MAGI3: variants seen among roughly 807,000 people sequenced by gnomAD.
The protein encoded by MAGI3 is membrane associated guanylate kinase, WW and PDZ domain containing 3.
MAGI3 carries 43 observed loss-of-function variants against 121.8 expected under a neutral mutation model. The ratio of observed to expected loss-of-function variants is 0.35; its 90% CI spans 0.28 to 0.46. MAGI3 has a LOEUF of 0.46. MAGI3 is among the 20% of genes least tolerant of loss of function. The probability of loss-of-function intolerance (pLI) is 1.00; values close to 1 mark genes in which losing one functional copy is unlikely to be tolerated. For missense variants in MAGI3, 1,547 were observed against 1,797.3 expected, an observed-to-expected ratio of 0.86 and a Z score of 2.52; for synonymous variants, 553 against 639.3, an observed-to-expected ratio of 0.86 and a Z score of 2.04.
chr1:113,672,572 AT>A, intron 17 of MAGI3, 42 bp from the exon 18 acceptor site: 4 of 1,577,438 alleles, frequency 2.5e-6, no homozygotes, highest in Non-Finnish European at 3.4e-6. Flanking sequence ...ACTGTTTTTC[AT>A]TTTCTCAGTT....
intron 1 of MAGI3, among the ~76,000 whole-genome samples, chr1:113,426,158 A>G (rs1018148880): frequency 1.3e-5 from 2 of 151,982 alleles, no homozygotes; most frequent in African/African-American, 2.4e-5. Flanking sequence ...TGTTTGTCAT[A>G]TGGATTATTT....
At chr1:113,657,225 G>A (rs1330845982) in intron 15 of MAGI3, among the ~76,000 whole-genome samples, 1 of 152,330 alleles carries the variant, frequency 6.6e-6, no homozygotes, top group South Asian at 2.1e-4. Flanking sequence ...AGGACTGAAG[G>A]CTTTTCCCTA....
intron 1 of MAGI3, among the ~76,000 whole-genome samples, chr1:113,416,923 A>T (rs951308834): frequency 1.3e-5 from 2 of 152,058 alleles, no homozygotes; most frequent in Admixed American, 6.6e-5. Flanking sequence ...TATAAATAGT[A>T]AGGGTGATAT....
chr1:113,640,923 T>TAAAATATATCATATTTAAATATATATATA (rs1159148233), intron 9 of MAGI3, among the ~76,000 whole-genome samples: 7 of 58,788 alleles, frequency 1.2e-4, no homozygotes, highest in Non-Finnish European at 2.0e-4. Context: ...ATATGATATA[T>TAAAATATATCATATTTAAATATATATATA]TTTATATATC....
In MAGI3 at chr1:113,497,269, G is replaced by C. The variant is rs576786318; in HGVS notation, c.317-52246G>C. Reference sequence around the variant, plus strand: ...AGCTCCCAGCGTGAGCGACGCAGAAGACGGGTGATTTCTGCATTTCCATCT... The same window carrying C: ...AGCTCCCAGCGTGAGCGACGCAGAACACGGGTGATTTCTGCATTTCCATCT... On this transcript the variant is annotated intron_variant, in intron 1 of 20. Coordinates refer to ENST00000307546, the MANE Select transcript of MAGI3 (RefSeq NM_001142782.2). Among the ~76,000 whole-genome samples the C allele has an allele frequency of 4.0e-4, 48 of 118,804 alleles. 3 individuals carry two copies. Among genetic ancestry groups the C allele is most frequent in the African/African-American group, 1.4e-3 (47 of 34,808 alleles). The allele number at this position is 118,804 out of a possible 152,430, so 77.9% of individuals were successfully genotyped here.
chr1:113,677,728 T>C (rs1647965699), intron 19 of MAGI3, among the ~76,000 whole-genome samples: 1 of 152,072 alleles, frequency 6.6e-6, no homozygotes, highest in Admixed American at 6.5e-5. Flanking sequence ...CTTTTGGTTC[T>C]CCTATTTTTT....
chr1:113,583,502 A>C (rs1461481515), intron 3 of MAGI3, among the ~76,000 whole-genome samples: 1 of 152,126 alleles, frequency 6.6e-6, no homozygotes, highest in Non-Finnish European at 1.5e-5. Context: ...ATTACCAAGA[A>C]TTCTCAGTAA....
In MAGI3 at chr1:113,404,762, A is replaced by G. The variant is rs182146362; in HGVS notation, c.316+13413A>G. Among the ~76,000 whole-genome samples the G allele has an allele frequency of 5.9e-5, 9 of 152,248 alleles. No individual in the cohort carries two copies. In the East Asian group the frequency reaches 1.5e-3, roughly 26 times the overall value. The stretch of plus-strand genomic sequence containing the variant: ...TGAAACGATGAGAAAAACCTAATGC[A>G]TGATGTAGAACTGAGTGGTGTTAAT... On this transcript the variant is annotated intron_variant, in intron 1 of 20. Coordinates refer to ENST00000307546, the MANE Select transcript of MAGI3 (RefSeq NM_001142782.2).
At chr1:113,484,015 A>G (rs1261429640) in intron 1 of MAGI3, among the ~76,000 whole-genome samples, 1 of 152,202 alleles carries the variant, frequency 6.6e-6, no homozygotes, top group Non-Finnish European at 1.5e-5. Flanking sequence ...TAACATTGAT[A>G]CAATATTATG....
chr1:113,681,480 G>A, intron 20 of MAGI3, 144 bp downstream of exon 20: 1 of 845,068 alleles, frequency 1.2e-6, no homozygotes, highest in Non-Finnish European at 1.7e-6. Flanking sequence ...TAGTTACATA[G>A]CAGAGTTATC....
intron 1 of MAGI3, among the ~76,000 whole-genome samples, chr1:113,514,810 A>G (rs1292454448): frequency 2.0e-5 from 3 of 152,138 alleles, no homozygotes; most frequent in African/African-American, 4.8e-5. Context: ...GTACCCTTGT[A>G]GTTTTCTTAA....
At chr1:113,494,280 A>T (rs1009121850) in intron 1 of MAGI3, among the ~76,000 whole-genome samples, 2 of 152,148 alleles carry the variant, frequency 1.3e-5, no homozygotes, top group Non-Finnish European at 2.9e-5. Context: ...CAAATACCAC[A>T]TGTTCTCACG....
chr1:113,655,918 A>G (rs981171808), intron 15 of MAGI3, among the ~76,000 whole-genome samples: 2 of 152,198 alleles, frequency 1.3e-5, no homozygotes, highest in Non-Finnish European at 2.9e-5. Context: ...CATCATCATT[A>G]TTTAGAAAAT....
intron 1 of MAGI3, among the ~76,000 whole-genome samples, chr1:113,549,181 G>A (rs1033692901): frequency 2.0e-5 from 3 of 152,160 alleles, no homozygotes; most frequent in African/African-American, 7.2e-5. Context: ...ATGGATACAT[G>A]ATATGAATGT....
At chr1:113,525,744 A>G (rs1658418773) in intron 1 of MAGI3, among the ~76,000 whole-genome samples, 1 of 151,990 alleles carries the variant, frequency 6.6e-6, no homozygotes, top group Non-Finnish European at 1.5e-5. Flanking sequence ...TTGGCCAGGT[A>G]TGTAATCCCA....
chr1:113,673,385 G>C lies in MAGI3; in HGVS notation c.3109G>C (p.Gly1037Arg), dbSNP rs201961376. The change falls in exon 19 of 21, where the codon GGG (glycine) becomes CGG (arginine). Residue 1037 changes from glycine to arginine, a missense_variant. Gly to Arg is a moderately radical substitution (Grantham distance 125). Coordinates refer to ENST00000307546, the MANE Select transcript of MAGI3 (RefSeq NM_001142782.2). The stretch of plus-strand genomic sequence containing the variant: ...CCGGGGCTTTGGATTCAGCCTCCGA[G>C]GGGGGAAGGAGTACAACATGGGGCT... ...GPRGFGFSLR[G>R]GKEYNMGLFI... 1.2e-5 allele frequency: 20 copies of C among 1,611,740 alleles called. No individual in the cohort carries two copies. The highest frequency in any genetic ancestry group is 1.6e-5 in the Non-Finnish European group (19 of 1,179,586).
intron 1 of MAGI3, among the ~76,000 whole-genome samples, chr1:113,399,990 G>T (rs528166827): frequency 4.2e-4 from 64 of 152,140 alleles, no homozygotes; most frequent in Non-Finnish European, 8.7e-4. Flanking sequence ...CCATGATTTC[G>T]TGGAAATTAT....
intron 16 of MAGI3, among the ~76,000 whole-genome samples, chr1:113,663,150 G>A (rs1023243263): frequency 2.6e-5 from 4 of 151,924 alleles, no homozygotes; most frequent in African/African-American, 7.2e-5. Flanking sequence ...ACTTGAACCC[G>A]GGAGGCAGAG....
chr1:113,649,299 G>A lies in MAGI3; in HGVS notation c.2218G>A (p.Val740Met). Residue 740 changes from valine (V) to methionine (M), a missense_variant, in exon 13 of 21, where the codon GTG becomes ATG. By Grantham distance (21) the Val-to-Met change is conservative (BLOSUM62 1). Transcript: ENST00000307546. Reference protein sequence around the residue: ...RKQESGFGFRVLGGDGPDQSI... With the variant: ...RKQESGFGFRMLGGDGPDQSI... ...ACAAGAGTCAGGGTTTGGCTTCAGG[G>A]TGCTAGGAGGAGATGGACCTGACCA... 6.2e-7 allele frequency: 1 copy of A among 1,613,212 alleles called. No homozygotes were observed. The highest frequency in any genetic ancestry group is 8.5e-7 in the Non-Finnish European group (1 of 1,179,594).
Sources: allele counts gnomAD v4.1 joint callset (sites outside exome capture counted in the v4.1 genomes callset), GRCh38; gene constraint gnomAD v4.1.1; transcripts MANE v1.5; gene names NCBI Gene and HGNC (gene_info 2026-07-23, HGNC 2026-07-21).